Variants in DMXL2 observed in about 807,000 individuals in gnomAD.
The protein encoded by DMXL2 is dmX-like protein 2.
In DMXL2, 103 loss-of-function variants were observed where a neutral mutation model predicts 331.1. That is an observed-to-expected ratio of 0.31 (90% CI 0.27 to 0.37). The LOEUF is 0.37. Among genes scored for constraint, DMXL2 ranks in the 10% least tolerant of loss-of-function variants. The pLI is 1.00. For synonymous variants in DMXL2, 1,281 were observed against 1,252.1 expected (o/e 1.02, Z -0.49); for missense variants, 3,171 against 3,642.9 (o/e 0.87, Z 3.33).
intron 29 of DMXL2, among the ~76,000 whole-genome samples, chr15:51,470,598 CAT>C (rs1203195805): frequency 6.6e-6 from 1 of 152,276 alleles, no homozygotes; most frequent in South Asian, 2.1e-4. Flanking sequence ...TGTATTCCCT[CAT>C]GTGTATGCAC....
intron 26 of DMXL2, 36 bp from the exon 27 acceptor site, chr15:51,476,755 G>A (rs1256001939): frequency 1.3e-6 from 2 of 1,540,066 alleles, no homozygotes; most frequent in African/African-American, 1.4e-5. Flanking sequence ...ATCATCCTGA[G>A]AGGTAATAAA....
intron 15 of DMXL2, among the ~76,000 whole-genome samples, chr15:51,511,925 C>T (rs553093333): frequency 9.9e-5 from 15 of 152,166 alleles, no homozygotes; most frequent in Non-Finnish European, 1.6e-4. Context: ...TCATTTTCAG[C>T]AAACTAACAC....
At chr15:51,507,040 T>C in intron 16 of DMXL2, 94 bp downstream of exon 16, 1 of 1,006,976 alleles carries the variant, frequency 9.9e-7, no homozygotes, top group Non-Finnish European at 1.3e-6. Flanking sequence ...TACAGTTTAA[T>C]GGAACTTCAT....
chr15:51,594,912 G>T (rs536621294), intron 1 of DMXL2, among the ~76,000 whole-genome samples: 2 of 152,158 alleles, frequency 1.3e-5, no homozygotes, highest in Admixed American at 1.3e-4. Flanking sequence ...TGGGTTGTAT[G>T]TCAAAATAAT....
intron 27 of DMXL2, among the ~76,000 whole-genome samples, chr15:51,476,081 T>C (rs1345785889): frequency 2.0e-5 from 3 of 152,096 alleles, no homozygotes; most frequent in Non-Finnish European, 2.9e-5. Flanking sequence ...AATATACACT[T>C]AGGATATTGA....
rs1017294944 is a variant in DMXL2 at position 51,471,150 on chromosome 15, G to A, written c.7392+73C>T. 13 of 1,405,060 alleles carry A rather than the reference G, an allele frequency of 9.3e-6. No individual in the cohort carries two copies. In the African/African-American group the frequency reaches 1.9e-4, roughly 20 times the overall value. 87.0% of individuals were successfully genotyped at this position (1,405,060 alleles called of 1,614,324 possible). A position where few individuals can be genotyped will look rare whatever the true frequency, so the allele number is the denominator to read the frequency against. On this transcript the variant is annotated intron_variant, in intron 29 of 43. Coordinates refer to ENST00000560891, the MANE Select transcript of DMXL2 (RefSeq NM_001378457.1). ...CCAAAAGCTACCCCATCATTCCTAT[G>A]TGAGACACATGCAAGAGTTAATAAA... is the stretch of plus-strand genomic sequence containing the variant.
At position 51,449,101 on chromosome 15, in the gene DMXL2, C is replaced by T. The variant is rs2040425393; in HGVS notation, c.9060G>A (p.Met3020Ile). 2.5e-6 allele frequency: 4 copies of T among 1,614,226 alleles called. No homozygotes were observed. The highest frequency in any genetic ancestry group is 2.5e-6 in the Non-Finnish European group (3 of 1,180,036). Residue 3020 changes from methionine to isoleucine, a missense_variant, in exon 44 of 44, where the codon ATG (methionine) becomes ATA (isoleucine). Met to Ile is a conservative substitution (Grantham distance 10). This residue lies in a region of DMXL2 where 766 missense variants were observed against 940.5 expected (regional missense o/e 0.81). Coordinates refer to ENST00000560891, the MANE Select transcript of DMXL2 (RefSeq NM_001378457.1). Reference protein sequence around the residue: ...SIFRNIGAGVMQIDIIQGNRL... With the variant: ...SIFRNIGAGVIQIDIIQGNRL... The stretch of plus-strand genomic sequence containing the variant: ...GATTGCCCTGGATGATGTCAATCTG[C>T]ATGACTCCAGCCCCAATGTTTCGAA...
At chr15:51,566,046 A>G (rs977542306) in intron 3 of DMXL2, among the ~76,000 whole-genome samples, 5 of 152,108 alleles carry the variant, frequency 3.3e-5, no homozygotes, top group African/African-American at 9.7e-5. Context: ...CCATCTCTAT[A>G]AAAACTTTAA....
rs200461612 is a variant in DMXL2, at chr15:51,499,824, C to G, written c.3400G>C (p.Val1134Leu). The change falls in exon 18 of 44, where the codon GTA becomes CTA. Residue 1134 changes from valine (V) to leucine (L), a missense_variant. Physicochemically the swap from Val to Leu is conservative, Grantham distance 32 (BLOSUM62 1). This residue lies in a region of DMXL2 where 1,674 missense variants were observed against 1,780.2 expected (regional missense o/e 0.94). Coordinates refer to ENST00000560891, the MANE Select transcript of DMXL2 (RefSeq NM_001378457.1). ...HLDDLVKVGS[V>L]LDSRVSVDSN... is the part of the protein sequence containing the mutation. The stretch of plus-strand genomic sequence containing the variant: ...TCGACGCTGACCCTTGAATCAAGTA[C>G]ACTCCCAACCTTAACCAAATCATCA... 3.7e-6 allele frequency: 6 copies of G among 1,614,034 alleles called. No individual in the cohort carries two copies. Among genetic ancestry groups the G allele is most frequent in the Non-Finnish European group, 5.1e-6 (6 of 1,180,030 alleles).
chr15:51,466,084 T>C (rs1034883569), intron 30 of DMXL2, 100 bp downstream of exon 30: 1 of 1,021,108 alleles, frequency 9.8e-7, no homozygotes, highest in African/African-American at 1.7e-5. Context: ...ATTTCTTATA[T>C]AAATTCAGGA....
At chr15:51,468,357 G>C (rs775465118) in intron 29 of DMXL2, among the ~76,000 whole-genome samples, 41 of 152,164 alleles carry the variant, frequency 2.7e-4, no homozygotes, top group Non-Finnish European at 5.6e-4. Flanking sequence ...ATCTCAAAAA[G>C]ATTCGGAGCC....
At position 51,533,326 on chromosome 15, in the gene DMXL2, A is replaced by G. The variant is rs536597222; in HGVS notation, c.2436+2337T>C. ...GTGAGTCACCGTGCCTGGCTACATT[A>G]TATTTTGAGTACTATATTATTATTT... On this transcript the variant is annotated intron_variant, in intron 13 of 43. Coordinates refer to ENST00000560891, the MANE Select transcript of DMXL2 (RefSeq NM_001378457.1). Among the ~76,000 whole-genome samples the G allele has an allele frequency of 2.0e-4, 31 of 152,232 alleles. 1 individual carries two copies. Among genetic ancestry groups the G allele is most frequent in the Admixed American group, 1.9e-3 (29 of 15,284 alleles).
chr15:51,591,180 T>C (rs898962915), intron 1 of DMXL2, among the ~76,000 whole-genome samples: 1 of 152,188 alleles, frequency 6.6e-6, no homozygotes. Flanking sequence ...TTCCCTTTCC[T>C]AGTCAAAGAA....
chr15:51,548,011 C>T (rs1229753221), intron 6 of DMXL2, among the ~76,000 whole-genome samples: 1 of 152,118 alleles, frequency 6.6e-6, no homozygotes, highest in Non-Finnish European at 1.5e-5. Flanking sequence ...CCGATCCCTA[C>T]TCTAAGTGAT....
intron 1 of DMXL2, among the ~76,000 whole-genome samples, chr15:51,598,824 T>C (rs1011104237): frequency 5.3e-5 from 8 of 152,178 alleles, no homozygotes; most frequent in Non-Finnish European, 7.3e-5. Context: ...ATCTTCCAGG[T>C]TTCTCCTCTA....
intron 33 of DMXL2, 157 bp downstream of exon 33, chr15:51,463,222 A>C (rs2040280969): frequency 2.0e-6 from 1 of 500,266 alleles, no homozygotes; most frequent in African/African-American, 2.0e-5. Context: ...TGAAAATTAT[A>C]AGGTTTTATC....
At chr15:51,597,288 G>A (rs928985838) in intron 1 of DMXL2, among the ~76,000 whole-genome samples, 6 of 152,096 alleles carry the variant, frequency 3.9e-5, no homozygotes, top group East Asian at 1.9e-4. Context: ...ACACTTCTCC[G>A]TCTCAAGCAA....
intron 23 of DMXL2, 126 bp from the exon 24 acceptor site, chr15:51,481,749 C>T: frequency 1.2e-6 from 1 of 844,546 alleles, no homozygotes; most frequent in Non-Finnish European, 1.8e-6. Context: ...CGATAGGTTA[C>T]ACTATGGCAT....
intron 13 of DMXL2, among the ~76,000 whole-genome samples, chr15:51,529,459 G>A (rs886571761): frequency 1.3e-5 from 2 of 152,014 alleles, no homozygotes; most frequent in African/African-American, 2.4e-5. Context: ...AGGATCAACA[G>A]TGGCTACTAT....
Sources: allele counts gnomAD v4.1 joint callset (sites outside exome capture counted in the v4.1 genomes callset), GRCh38; gene constraint gnomAD v4.1.1; regional missense constraint gnomAD v4.1.1; transcripts MANE v1.5; gene names NCBI Gene and HGNC (gene_info 2026-07-23, HGNC 2026-07-21).